Variants in TAF3 observed in about 807,000 individuals in gnomAD.
TAF3 encodes the protein TATA-box binding protein associated factor 3.
In TAF3, 7 loss-of-function variants were observed where a neutral mutation model predicts 80.6. The ratio of observed to expected loss-of-function variants is 0.09; its 90% CI spans 0.05 to 0.16. The LOEUF is 0.16. Among genes scored for constraint, TAF3 ranks in the 10% least tolerant of loss-of-function variants. The pLI is 1.00. For synonymous variants in TAF3, 444 were observed against 446.1 expected (o/e 1.00, Z 0.06); for missense variants, 921 against 1,140.2 (o/e 0.81, Z 2.77).
intron 3 of TAF3, among the ~76,000 whole-genome samples, chr10:7,966,480 C>T (rs1054787044): frequency 2.0e-5 from 3 of 152,200 alleles, no homozygotes; most frequent in Admixed American, 6.5e-5. Context: ...CCTCAGTCCT[C>T]AGGCTGTGAC....
intron 2 of TAF3, among the ~76,000 whole-genome samples, chr10:7,952,048 T>C (rs542539296): frequency 6.6e-6 from 1 of 152,368 alleles, no homozygotes; most frequent in Admixed American, 6.5e-5. Flanking sequence ...CTGTATCCTA[T>C]GCATAGTCTT....
chr10:7,904,964 T>G (rs1017024310), intron 2 of TAF3, among the ~76,000 whole-genome samples: 3 of 152,118 alleles, frequency 2.0e-5, no homozygotes, highest in African/African-American at 7.2e-5. Context: ...ATCCTTTCCC[T>G]CACACTGCCC....
At chr10:7,880,385 A>G (rs1171174176) in intron 2 of TAF3, among the ~76,000 whole-genome samples, 1 of 152,218 alleles carries the variant, frequency 6.6e-6, no homozygotes, top group East Asian at 1.9e-4. Flanking sequence ...ACTTGTTATG[A>G]GATTTAATAT....
intron 2 of TAF3, among the ~76,000 whole-genome samples, chr10:7,947,441 G>T (rs572254369): frequency 1.3e-5 from 2 of 152,160 alleles, no homozygotes; most frequent in Non-Finnish European, 2.9e-5. Flanking sequence ...AAATAGCTAA[G>T]CAAACATTCT....
intron 4 of TAF3, among the ~76,000 whole-genome samples, chr10:7,993,578 G>A (rs1212826528): frequency 1.3e-5 from 2 of 152,294 alleles, no homozygotes; most frequent in East Asian, 1.9e-4. Flanking sequence ...TCTTCGTAGT[G>A]TCATTTAAAT....
At position 8,013,742 on chromosome 10, in the gene TAF3, G is replaced by C; in HGVS notation, c.2580G>C (p.Glu860Asp). 1 of 1,614,014 alleles carries C rather than the reference G, an allele frequency of 6.2e-7. No individual in the cohort carries two copies. Among genetic ancestry groups the C allele is most frequent in the Non-Finnish European group, 8.5e-7 (1 of 1,179,976 alleles). The change falls in exon 6 of 7, where the codon GAG (glutamate) becomes GAC (aspartate). Residue 860 changes from glutamate (E) to aspartate (D), a missense_variant. Transcript: ENST00000344293. ...TTTGCAAACATCAGATCCGAGATGA[G>C]TGGGGCAATCAGATCTGGATCTGCC... ...ETVSTYVIRD[E>D]WGNQIWICPG... is the part of the protein sequence containing the mutation.
chr10:7,888,005 G>A (rs993551304), intron 2 of TAF3, among the ~76,000 whole-genome samples: 3 of 152,094 alleles, frequency 2.0e-5, no homozygotes, highest in East Asian at 1.9e-4. Context: ...TGCCACCACC[G>A]CCATTGTGGT....
chr10:7,838,801 T>C (rs911426552), intron 2 of TAF3, among the ~76,000 whole-genome samples: 1 of 151,988 alleles, frequency 6.6e-6, no homozygotes, highest in African/African-American at 2.4e-5. Flanking sequence ...GCCTCTCTCT[T>C]GGCCCTCTCA....
intron 2 of TAF3, among the ~76,000 whole-genome samples, chr10:7,827,539 T>C (rs1413008372): frequency 6.6e-6 from 1 of 151,926 alleles, no homozygotes; most frequent in Non-Finnish European, 1.5e-5. Flanking sequence ...CCCAGCACTT[T>C]GGGAGGCGGA....
intron 2 of TAF3, among the ~76,000 whole-genome samples, chr10:7,958,613 G>T (rs1838159254): frequency 6.6e-6 from 1 of 152,182 alleles, no homozygotes; most frequent in African/African-American, 2.4e-5. Flanking sequence ...TTCCCTGGGG[G>T]CTGGGGTAGG....
chr10:8,001,300 T>G (rs1284446005), intron 4 of TAF3, among the ~76,000 whole-genome samples: 1 of 152,204 alleles, frequency 6.6e-6, no homozygotes, highest in Non-Finnish European at 1.5e-5. Context: ...TGTCAATCTT[T>G]TTCATCTTTA....
chr10:7,828,365 G>C (rs1386590632), intron 2 of TAF3, among the ~76,000 whole-genome samples: 1 of 152,248 alleles, frequency 6.6e-6, no homozygotes, highest in Non-Finnish European at 1.5e-5. Context: ...ATTATCCGCA[G>C]TGTGAAGATG....
At chr10:7,913,770 A>T (rs1055101539) in intron 2 of TAF3, among the ~76,000 whole-genome samples, 31 of 152,196 alleles carry the variant, frequency 2.0e-4, no homozygotes, top group African/African-American at 6.5e-4. Context: ...ATACAGTAAG[A>T]GGTATACTGC....
rs1832092374 is a variant in TAF3, at chr10:8,015,129, C to CA, written c.*380dup. The CA allele has an allele frequency of 6.1e-6, 1 of 164,438 alleles. No individual in the cohort carries two copies. Among genetic ancestry groups the CA allele is most frequent in the Non-Finnish European group, 1.3e-5 (1 of 74,650 alleles). 10.2% of individuals were successfully genotyped at this position (164,438 alleles called of 1,614,324 possible). Reference sequence around the variant, plus strand: ...TGAGAAGATAATGTACAAACTGCCTCAACTGTAATTTAAGGATGATAGAGT... The same window carrying CA: ...TGAGAAGATAATGTACAAACTGCCTCAAACTGTAATTTAAGGATGATAGAGT... On this transcript the variant is annotated 3_prime_UTR_variant, in exon 7 of 7. Transcript: ENST00000344293.
intron 2 of TAF3, among the ~76,000 whole-genome samples, chr10:7,846,164 A>G (rs994662173): frequency 5.3e-5 from 8 of 151,994 alleles, no homozygotes; most frequent in South Asian, 2.1e-4. Flanking sequence ...TCACCGTGTT[A>G]GCCAGGACGG....
At chr10:7,863,608 TAAAA>T (rs1230925353) in intron 2 of TAF3, among the ~76,000 whole-genome samples, 21 of 20,426 alleles carry the variant, frequency 1.0e-3, no homozygotes, top group South Asian at 3.0e-3. Flanking sequence ...AAACTCTGTC[TAAAA>T]AAAAAAAAAA....
At chr10:8,014,564 C>A (rs1234075364) in intron 6 of TAF3, 73 bp from the exon 7 acceptor site, 19 of 1,338,856 alleles carry the variant, frequency 1.4e-5, no homozygotes, top group African/African-American at 3.0e-5. Flanking sequence ...TAAAAAATTA[C>A]TTTAAAACAT....
At chr10:8,006,408 G>C (rs1276887758) in intron 4 of TAF3, among the ~76,000 whole-genome samples, 1 of 152,058 alleles carries the variant, frequency 6.6e-6, no homozygotes, top group Non-Finnish European at 1.5e-5. Flanking sequence ...GGCAAGGCAA[G>C]TAAATATTTA....
rs1423964176 is a variant in TAF3 at position 8,009,257 on chromosome 10, G to T, written c.2495G>T (p.Gly832Val). ...AAGPALLPSP[G>V]PAASGASAKA... ...GGCCCTGCCCTGCTGCCCTCCCCGG[G>T]TCCCGCCGCCTCCGGGGCCAGTGCC... Residue 832 changes from glycine to valine, a missense_variant, in exon 5 of 7, where the codon GGT becomes GTT. Around this residue, in one of 6 missense-constraint regions of TAF3, gnomAD observed 743 missense variants for 821.0 expected, o/e 0.90. Transcript: ENST00000344293. The surrounding 1 kb of genome is among the most constrained non-coding windows in gnomAD (Gnocchi z 4.1). The T allele has an allele frequency of 2.6e-6, 4 of 1,545,938 alleles. No individual in the cohort carries two copies. Among genetic ancestry groups the T allele is most frequent in the African/African-American group, 1.4e-5 (1 of 70,656 alleles).
Sources: gnomAD v4.1 joint callset for allele counts (sites outside exome capture counted in the v4.1 genomes callset) on GRCh38, gnomAD v4.1.1 for gene constraint, gnomAD v4.1.1 regional missense constraint, Gnocchi (gnomAD v3.1) non-coding constraint, MANE v1.5 for transcripts, NCBI Gene and HGNC (gene_info 2026-07-23, HGNC 2026-07-21) for gene names.